OPHN1: variants seen among roughly 807,000 people sequenced by gnomAD.
The protein encoded by OPHN1 is oligophrenin-1.
A neutral mutation model predicts 60.7 loss-of-function variants in OPHN1; 11 were observed. That is an observed-to-expected ratio of 0.18 (90% CI 0.11 to 0.30). OPHN1 has a LOEUF of 0.30. OPHN1 is among the 10% of genes least tolerant of loss of function. The pLI, the probability that OPHN1 is intolerant of heterozygous loss-of-function variation, is 1.00. For synonymous variants in OPHN1, 226 were observed against 222.6 expected (o/e 1.02, Z -0.14); for missense variants, 449 against 611.0 (o/e 0.73, Z 2.80).
At chrX:68,172,241 G>A (rs996459064) in intron 15 of OPHN1, among the ~76,000 whole-genome samples, 3 of 112,012 alleles carry the variant, frequency 2.7e-5, no homozygotes, top group Non-Finnish European at 5.6e-5. Context: ...ACTCATGAAG[G>A]GAAAGACAAG....
intron 6 of OPHN1, among the ~76,000 whole-genome samples, chrX:68,215,498 C>T (rs910718177): frequency 9.0e-6 from 1 of 111,134 alleles, no homozygotes; most frequent in Non-Finnish European, 1.9e-5. Context: ...CCAATAAATA[C>T]AATAATATAA....
chrX:68,187,666 C>G (rs1003343578), intron 15 of OPHN1, among the ~76,000 whole-genome samples: 2 of 110,967 alleles, frequency 1.8e-5, no homozygotes, highest in African/African-American at 6.6e-5. Context: ...CTTGCTCTGT[C>G]GCCCAGGCTG....
At chrX:68,064,912 G>T (rs1376789582) in intron 20 of OPHN1, among the ~76,000 whole-genome samples, 1 of 111,580 alleles carries the variant, frequency 9.0e-6, no homozygotes, top group Non-Finnish European at 1.9e-5. Context: ...AAAAAACTTC[G>T]AGTGCAGTGG....
intron 19 of OPHN1, among the ~76,000 whole-genome samples, chrX:68,087,062 T>C (rs1353658368): frequency 8.9e-6 from 1 of 112,098 alleles, no homozygotes; most frequent in Non-Finnish European, 1.9e-5. Context: ...TTTCCCACCC[T>C]CCAAAACTCC....
intron 2 of OPHN1, among the ~76,000 whole-genome samples, chrX:68,431,536 C>A (rs1192180208): frequency 4.5e-5 from 5 of 111,451 alleles, no homozygotes; most frequent in South Asian, 3.8e-4. Flanking sequence ...CCTGCCTCAG[C>A]CTCCTGAGTA....
chrX:68,238,407 T>TC (rs1239367143), intron 5 of OPHN1, among the ~76,000 whole-genome samples: 32 of 109,204 alleles, frequency 2.9e-4, no homozygotes, highest in African/African-American at 9.7e-4. Context: ...CCTTCTTTTG[T>TC]CTTTTTTTTT....
At chrX:68,128,509 AGAGAGAG>A (rs202110760) in intron 15 of OPHN1, among the ~76,000 whole-genome samples, 1 of 73,444 alleles carries the variant, frequency 1.4e-5, no homozygotes, top group Non-Finnish European at 3.4e-5. Context: ...TGTGGGAGAG[AGAGAGAG>A]GAGAGTGATT....
At position 68,296,999 on chromosome X, in the gene OPHN1, A is replaced by AG. The variant is rs750797431; in HGVS notation, c.250+2001dup. ...GAGGTTCATGGGATTAAGAGAATTA[A>AG]GGCTCAAAGTTCAACATAAAGGAAG... On this transcript the variant is annotated intron_variant, in intron 3 of 24. Coordinates refer to ENST00000355520, the MANE Select transcript of OPHN1 (RefSeq NM_002547.3). Among the ~76,000 whole-genome samples the AG allele has an allele frequency of 3.6e-5, 4 of 110,876 alleles. No individual in the cohort carries two copies. In the East Asian group the frequency reaches 8.5e-4, roughly 24 times the overall value.
intron 2 of OPHN1, among the ~76,000 whole-genome samples, chrX:68,370,043 T>C (rs1260557413): frequency 1.1e-5 from 1 of 92,589 alleles, no homozygotes; most frequent in East Asian, 3.3e-4. Context: ...TATATATATA[T>C]AGAACCTGTC....
intron 2 of OPHN1, among the ~76,000 whole-genome samples, chrX:68,350,392 TTTTC>T (rs1051084866): frequency 2.3e-4 from 25 of 109,173 alleles, no homozygotes; most frequent in East Asian, 8.8e-4. Flanking sequence ...TTTTTCTTTC[TTTTC>T]TTTCTTTCCT....
chrX:68,317,575 G>GAAAGAAAGAA (rs1341092923), intron 2 of OPHN1, among the ~76,000 whole-genome samples: 2 of 72,095 alleles, frequency 2.8e-5, no homozygotes, highest in Admixed American at 1.6e-4. Flanking sequence ...AAGAAAGAAA[G>GAAAGAAAGAA]AGAAAGAAAG....
At chrX:68,372,168 A>G (rs2078532682) in intron 2 of OPHN1, among the ~76,000 whole-genome samples, 1 of 112,443 alleles carries the variant, frequency 8.9e-6, no homozygotes, top group Admixed American at 9.5e-5. Context: ...TGAAAATAGT[A>G]ACCAAAAGAG....
At chrX:68,414,656 A>C (rs923469039) in intron 2 of OPHN1, among the ~76,000 whole-genome samples, 90 of 111,886 alleles carry the variant, frequency 8.0e-4, no homozygotes, top group African/African-American at 2.8e-3. Context: ...TTTATAATTG[A>C]GGAAACTGAA....
chrX:68,175,015 C>T (rs1162535286), intron 15 of OPHN1, among the ~76,000 whole-genome samples: 2 of 108,741 alleles, frequency 1.8e-5, no homozygotes, highest in Non-Finnish European at 3.8e-5. Flanking sequence ...ACCTGGGAGG[C>T]GGAGGTTGCA....
intron 7 of OPHN1, 127 bp from the exon 8 acceptor site, chrX:68,212,339 C>A (rs775675802): frequency 4.0e-6 from 2 of 503,220 alleles, no homozygotes; most frequent in East Asian, 7.7e-5. Flanking sequence ...GTAATCCCTG[C>A]ACTTTGGGAG....
In OPHN1 at chrX:68,048,475, C is replaced by G. The variant is rs749141752; in HGVS notation, c.2376-18G>C. 2 of 1,201,970 alleles carry G rather than the reference C, an allele frequency of 1.7e-6. No individual in the cohort carries two copies. Among genetic ancestry groups the G allele is most frequent in the Non-Finnish European group, 2.3e-6 (2 of 887,099 alleles). The stretch of plus-strand genomic sequence containing the variant: ...CTTGAGAACTGTGGATAAAGAAAGA[C>G]GTTTCACTAAGATTCTAGAAATCAG... On this transcript the variant is annotated intron_variant, in intron 23 of 24. Coordinates refer to ENST00000355520, the MANE Select transcript of OPHN1 (RefSeq NM_002547.3).
At chrX:68,123,863 T>G (rs184893751) in intron 15 of OPHN1, among the ~76,000 whole-genome samples, 8 of 110,237 alleles carry the variant, frequency 7.3e-5, no homozygotes, top group African/African-American at 2.3e-4. Flanking sequence ...AATAATAAAA[T>G]GGGACGGAGT....
intron 15 of OPHN1, among the ~76,000 whole-genome samples, chrX:68,149,687 T>C (rs1386304145): frequency 1.8e-5 from 2 of 111,053 alleles, no homozygotes; most frequent in Non-Finnish European, 3.8e-5. Flanking sequence ...TCCTCATACA[T>C]TGCTGTTGGG....
intron 2 of OPHN1, among the ~76,000 whole-genome samples, chrX:68,357,115 G>A (rs927700327): frequency 8.9e-6 from 1 of 111,734 alleles, no homozygotes; most frequent in East Asian, 2.8e-4. Context: ...TACAATTTAA[G>A]TAGGTGAATT....
Sources: allele counts gnomAD v4.1 joint callset (sites outside exome capture counted in the v4.1 genomes callset), GRCh38; gene constraint gnomAD v4.1.1; transcripts MANE v1.5; gene names NCBI Gene and HGNC (gene_info 2026-07-23, HGNC 2026-07-21).